The following BLOC1S5 variants were observed in gnomAD, a reference collection of about 807,000 sequenced individuals.
The protein encoded by BLOC1S5 is biogenesis of lysosome-related organelles complex 1 subunit 5.
A neutral mutation model predicts 24.3 loss-of-function variants in BLOC1S5; 27 were observed. The observed-to-expected ratio is 1.11, with a 90% CI of 0.82 to 1.53. The LOEUF (loss-of-function observed/expected upper bound fraction) is 1.53. BLOC1S5 is among the 40% of genes most tolerant of loss of function. BLOC1S5 has a pLI of 0.00. For synonymous variants in BLOC1S5, 84 were observed against 74.5 expected (o/e 1.13, Z -0.66); for missense variants, 239 against 229.4 (o/e 1.04, Z -0.27).
intron 4 of BLOC1S5, among the ~76,000 whole-genome samples, chr6:8,022,686 G>A (rs908682509): frequency 2.9e-5 from 4 of 138,102 alleles, no homozygotes; most frequent in South Asian, 2.4e-4. Context: ...CCGGGTTCAC[G>A]CCATTCTCCT....
chr6:8,026,372 T>A lies in BLOC1S5; in HGVS notation c.379A>T (p.Lys127Ter), dbSNP rs199672521. Reference sequence around the variant, plus strand: ...TTATCTAAATGATCTTTTACCTTTTTTCGTTCCTGTTCCCTCTGTTGGAGT... The same window carrying A: ...TTATCTAAATGATCTTTTACCTTTTATCGTTCCTGTTCCCTCTGTTGGAGT... ...CRLQQREQER[K>*]KIHSDHLVAS... The change falls in exon 4 of 5, where the codon AAA (lysine) becomes TAA (stop). Residue 127 changes from lysine (K) to a stop codon, truncating the protein, a stop_gained. Coordinates refer to ENST00000397457, the MANE Select transcript of BLOC1S5 (RefSeq NM_201280.3). LOFTEE classifies it high-confidence loss of function. 1 of 1,608,020 alleles carries A rather than the reference T, an allele frequency of 6.2e-7. No individual in the cohort carries two copies. The highest frequency in any genetic ancestry group is 1.3e-5 in the African/African-American group (1 of 74,908).
rs1274363978 is a variant in BLOC1S5 at position 8,040,062 on chromosome 6, G to A, written c.325+1077C>T. 3.3e-5 allele frequency among the ~76,000 whole-genome samples: 5 copies of A among 152,160 alleles called. No homozygotes were observed. The East Asian group carries it at 9.6e-4, about 29-fold the overall frequency. On this transcript the variant is annotated intron_variant, in intron 3 of 4. Coordinates refer to ENST00000397457, the MANE Select transcript of BLOC1S5 (RefSeq NM_201280.3). ...GTTGTAGGAGGCAATCCAAGAAAAA[G>A]TGATAATCCAGGAATAAAGGCAGAC...
Position 8,015,938 on chromosome 6 carries a change from A to G in BLOC1S5, c.385-110T>C, listed in dbSNP as rs1269743557. On this transcript the variant is annotated intron_variant, in intron 4 of 4. Coordinates refer to ENST00000397457, the MANE Select transcript of BLOC1S5 (RefSeq NM_201280.3). ...CAATCAGCTGGTAAGTCACAAGGAA[A>G]AAGTTGTGTTATAATATCCAAAAAA... 1.7e-5 allele frequency: 17 copies of G among 999,140 alleles called. No homozygotes were observed. In the South Asian group the frequency reaches 2.0e-4, roughly 12 times the overall value. The allele number at this position is 999,140 out of a possible 1,614,324, so 61.9% of individuals were successfully genotyped here. A position where few individuals can be genotyped will look rare whatever the true frequency, so the allele number is the denominator to read the frequency against.
chr6:8,015,338 C>A lies in BLOC1S5; in HGVS notation c.*311G>T. 3.9e-6 allele frequency: 1 copy of A among 254,536 alleles called. No homozygotes were observed. Among genetic ancestry groups the A allele is most frequent in the Non-Finnish European group, 7.5e-6 (1 of 134,096 alleles). The allele number at this position is 254,536 out of a possible 1,614,324, so 15.8% of individuals were successfully genotyped here. A position where few individuals can be genotyped will look rare whatever the true frequency, so the allele number is the denominator to read the frequency against. On this transcript the variant is annotated 3_prime_UTR_variant, in exon 5 of 5. Transcript: ENST00000397457. ...AAATTATCTTTCTAAGAAGTCTATA[C>A]CTACAGTTCTCTGAGCTAATCAATG...
At chr6:8,030,878 T>C (rs199996644) in intron 3 of BLOC1S5, among the ~76,000 whole-genome samples, 2 of 73,064 alleles carry the variant, frequency 2.7e-5, no homozygotes, top group African/African-American at 4.5e-5. Flanking sequence ...AAAAAAAAAA[T>C]CACATGATCA....
intron 3 of BLOC1S5, among the ~76,000 whole-genome samples, chr6:8,032,213 C>T (rs1262848430): frequency 1.3e-5 from 2 of 152,158 alleles, no homozygotes; most frequent in African/African-American, 4.8e-5. Flanking sequence ...GCAAACTATG[C>T]ATCCCACAAA....
intron 3 of BLOC1S5, among the ~76,000 whole-genome samples, chr6:8,033,212 A>G (rs918621533): frequency 3.9e-5 from 6 of 152,228 alleles, no homozygotes; most frequent in African/African-American, 1.4e-4. Flanking sequence ...CTATCAAGCT[A>G]CCTGACTTAA....
chr6:8,028,955 C>G (rs903608235), intron 3 of BLOC1S5, among the ~76,000 whole-genome samples: 2 of 151,794 alleles, frequency 1.3e-5, no homozygotes, highest in South Asian at 4.2e-4. Context: ...TTTTAGGAGA[C>G]TATATTGACT....
intron 2 of BLOC1S5, among the ~76,000 whole-genome samples, chr6:8,058,898 C>G (rs1272054010): frequency 6.6e-6 from 1 of 152,222 alleles, no homozygotes; most frequent in African/African-American, 2.4e-5. Context: ...TAACTAAACA[C>G]ATTCCTTACT....
chr6:8,025,436 C>T (rs1359734586), intron 4 of BLOC1S5, among the ~76,000 whole-genome samples: 1 of 152,236 alleles, frequency 6.6e-6, no homozygotes, highest in Non-Finnish European at 1.5e-5. Context: ...TCCAGGAGCT[C>T]AGCTGTGGCC....
At chr6:8,033,465 A>C (rs1277323763) in intron 3 of BLOC1S5, among the ~76,000 whole-genome samples, 2 of 152,208 alleles carry the variant, frequency 1.3e-5, no homozygotes, top group Non-Finnish European at 2.9e-5. Flanking sequence ...TACACCTTAT[A>C]CAAAAATTAA....
chr6:8,058,357 GAAAAAAAA>G (rs60827828), intron 2 of BLOC1S5, among the ~76,000 whole-genome samples: 9 of 84,590 alleles, frequency 1.1e-4, no homozygotes, highest in African/African-American at 1.4e-4. Context: ...CTGTCTCTAT[GAAAAAAAA>G]AAAAAAAAAA....
chr6:8,015,439 T>G lies in BLOC1S5; in HGVS notation c.*210A>C. ...TTCCTACTCCTCTTCATTCAAATAA[T>G]CATATATAGGCACTTAAAGCTGGAA... On this transcript the variant is annotated 3_prime_UTR_variant, in exon 5 of 5. Transcript: ENST00000397457. The G allele has an allele frequency of 2.0e-6, 1 of 488,054 alleles. No homozygotes were observed. The highest frequency in any genetic ancestry group is 3.6e-6 in the Non-Finnish European group (1 of 279,514). The allele number at this position is 488,054 out of a possible 1,614,324, so 30.2% of individuals were successfully genotyped here.
intron 2 of BLOC1S5, among the ~76,000 whole-genome samples, chr6:8,047,160 TCACACACACACACACACA>T (rs57923927): frequency 1.6e-5 from 2 of 126,918 alleles, no homozygotes; most frequent in Admixed American, 8.5e-5. Context: ...TCTCTCTCTC[TCACACACACACACACACA>T]CACACACACA....
intron 2 of BLOC1S5, among the ~76,000 whole-genome samples, chr6:8,046,760 C>CT (rs141285635): frequency 0.16 from 23,603 of 151,120 alleles, 1,895 homozygotes; most frequent in Admixed American, 0.19. Context: ...CAACCTGTAT[C>CT]TTTTTTTTTG....
chr6:8,031,445 T>G (rs1581405758), intron 3 of BLOC1S5, among the ~76,000 whole-genome samples: 1 of 152,200 alleles, frequency 6.6e-6, no homozygotes, highest in East Asian at 1.9e-4. Context: ...CAAGGAAAAC[T>G]ACAAAACATG....
chr6:8,017,288 G>T (rs1012633873), intron 4 of BLOC1S5, among the ~76,000 whole-genome samples: 1 of 152,034 alleles, frequency 6.6e-6, no homozygotes, highest in African/African-American at 2.4e-5. Flanking sequence ...CTAGAAGTTC[G>T]AATTGCTTGA....
At chr6:8,021,876 T>A (rs900069467) in intron 4 of BLOC1S5, among the ~76,000 whole-genome samples, 1 of 152,174 alleles carries the variant, frequency 6.6e-6, no homozygotes, top group Non-Finnish European at 1.5e-5. Context: ...TAATAACCTA[T>A]AACCACATAC....
At chr6:8,056,680 G>A (rs1325475288) in intron 2 of BLOC1S5, among the ~76,000 whole-genome samples, 2 of 152,142 alleles carry the variant, frequency 1.3e-5, no homozygotes, top group African/African-American at 2.4e-5. Context: ...CAGGGGACAG[G>A]TTATTATTCT....
Sources: gnomAD v4.1 joint callset for allele counts (sites outside exome capture counted in the v4.1 genomes callset) on GRCh38, gnomAD v4.1.1 for gene constraint, MANE v1.5 for transcripts, NCBI Gene and HGNC (gene_info 2026-07-23, HGNC 2026-07-21) for gene names.